Variants in UQCRH observed in about 807,000 individuals in gnomAD.
UQCRH encodes cytochrome b-c1 complex subunit 6, mitochondrial.
UQCRH carries 14 observed loss-of-function variants against 16.3 expected under a neutral mutation model. That is an observed-to-expected ratio of 0.86 (90% CI 0.57 to 1.34). The LOEUF (loss-of-function observed/expected upper bound fraction) is 1.34, where lower values mean the gene tolerates loss of function less well. Among genes scored for constraint, UQCRH ranks in the 40% most tolerant of loss-of-function variants. UQCRH has a pLI of 0.00. For synonymous variants in UQCRH, 41 were observed against 41.9 expected (o/e 0.98, Z 0.08); for missense variants, 89 against 111.9 (o/e 0.80, Z 0.92).
At chr1:46,303,879 GC>G (rs1456394225) in intron 1 of UQCRH, 59 bp downstream of exon 1, 1 of 1,609,886 alleles carries the variant, frequency 6.2e-7, no homozygotes, top group Non-Finnish European at 8.5e-7. Flanking sequence ...GACCTAGCCC[GC>G]CAAAACACGC....
chr1:46,306,398 T>G (rs1174574517), intron 1 of UQCRH, among the ~76,000 whole-genome samples: 8 of 150,972 alleles, frequency 5.3e-5, no homozygotes, highest in African/African-American at 1.5e-4. Context: ...TTTTTTTTTT[T>G]TGTGACGGAG....
At chr1:46,305,098 G>A (rs1661341695) in intron 1 of UQCRH, among the ~76,000 whole-genome samples, 1 of 151,742 alleles carries the variant, frequency 6.6e-6, no homozygotes, top group Non-Finnish European at 1.5e-5. Flanking sequence ...CAGACAGGTA[G>A]CATGAGTCCA....
rs753395974 is a variant in UQCRH at position 46,303,787 on chromosome 1, A to G, written c.21A>G (p.Gln7=). 1.7e-5 allele frequency: 27 copies of G among 1,614,062 alleles called. No homozygotes were observed. The South Asian group carries it at 2.3e-4, about 14-fold the overall frequency. ...CAGACATGGGACTGGAGGACGAGCA[A>G]AAGATGCTTACCGAATCCGGAGATC... The part of the protein sequence containing the change: MGLEDE[Q]KMLTESGDPE... Residue 7 remains glutamine, a synonymous_variant, in exon 1 of 4, where the codon CAA becomes CAG. Coordinates refer to ENST00000311672, the MANE Select transcript of UQCRH (RefSeq NM_006004.4).
At chr1:46,315,208 G>C (rs753759080) in intron 3 of UQCRH, among the ~76,000 whole-genome samples, 1 of 152,168 alleles carries the variant, frequency 6.6e-6, no homozygotes, top group Non-Finnish European at 1.5e-5. Flanking sequence ...ACTTTCAGAG[G>C]CTGAGGCACG....
chr1:46,314,688 AAAG>A (rs1410178664), intron 3 of UQCRH, among the ~76,000 whole-genome samples: 3 of 152,046 alleles, frequency 2.0e-5, no homozygotes, highest in Non-Finnish European at 1.5e-5. Flanking sequence ...AAAAAAAAAA[AAAG>A]GAGGGAAACT....
chr1:46,305,136 C>A (rs1661342799), intron 1 of UQCRH, among the ~76,000 whole-genome samples: 1 of 151,260 alleles, frequency 6.6e-6, no homozygotes, highest in Admixed American at 6.6e-5. Context: ...GGCAACGTGG[C>A]GAAACCCCGT....
chr1:46,316,477 C>T, intron 3 of UQCRH, 75 bp from the exon 4 acceptor site: 1 of 1,597,720 alleles, frequency 6.3e-7, no homozygotes, highest in Non-Finnish European at 8.6e-7. Context: ...AGTACTGTTT[C>T]AGGTCTTGAA....
At chr1:46,314,821 CAG>C (rs939969308) in intron 3 of UQCRH, among the ~76,000 whole-genome samples, 1 of 139,472 alleles carries the variant, frequency 7.2e-6, no homozygotes, top group East Asian at 2.3e-4. Context: ...TTCATAGAGA[CAG>C]AAAGTAGAAT....
intron 2 of UQCRH, 53 bp from the exon 3 acceptor site, chr1:46,310,102 G>C: frequency 6.2e-7 from 1 of 1,611,586 alleles, no homozygotes; most frequent in Non-Finnish European, 8.5e-7. Context: ...ATATGTGTTT[G>C]GTGGGTCTCT....
At chr1:46,308,863 C>T (rs188650971) in intron 1 of UQCRH, among the ~76,000 whole-genome samples, 4 of 152,284 alleles carry the variant, frequency 2.6e-5, no homozygotes, top group Non-Finnish European at 4.4e-5. Context: ...TGGATAGTTA[C>T]GTTGCATATG....
At chr1:46,313,697 A>G (rs576972447) in intron 3 of UQCRH, among the ~76,000 whole-genome samples, 1 of 151,300 alleles carries the variant, frequency 6.6e-6, no homozygotes, top group East Asian at 1.9e-4. Flanking sequence ...ATAGATAACC[A>G]GGCAAGCTGG....
chr1:46,313,037 G>T (rs1425622498), intron 3 of UQCRH, among the ~76,000 whole-genome samples: 2 of 152,154 alleles, frequency 1.3e-5, no homozygotes, highest in African/African-American at 4.8e-5. Context: ...ACATCTGGCA[G>T]TTCCTCAAAA....
intron 1 of UQCRH, among the ~76,000 whole-genome samples, chr1:46,304,866 C>A (rs1661336798): frequency 6.6e-6 from 1 of 152,214 alleles, no homozygotes; most frequent in South Asian, 2.1e-4. Context: ...GGACTCTTAT[C>A]AATTTTGCGA....
chr1:46,310,090 G>C, intron 2 of UQCRH, 65 bp from the exon 3 acceptor site: 2 of 1,606,670 alleles, frequency 1.2e-6, no homozygotes, highest in Non-Finnish European at 1.7e-6. Context: ...GTTAATCAAA[G>C]CATATGTGTT....
rs143787479 is a variant in UQCRH at position 46,312,806 on chromosome 1, T to C, written c.243+2490T>C. Among the ~76,000 whole-genome samples the C allele has an allele frequency of 1.4e-4, 21 of 152,260 alleles. 1 individual carries two copies. The East Asian group carries it at 3.9e-3, about 28-fold the overall frequency. ...AATTATACATAAGCAAAGTTTGATG[T>C]GGTTGCTTCTATTAAAACTAATTGG... On this transcript the variant is annotated intron_variant, in intron 3 of 3. Coordinates refer to ENST00000311672, the MANE Select transcript of UQCRH (RefSeq NM_006004.4).
At chr1:46,316,011 G>A (rs775301436) in intron 3 of UQCRH, among the ~76,000 whole-genome samples, 42 of 152,240 alleles carry the variant, frequency 2.8e-4, no homozygotes, top group Non-Finnish European at 4.6e-4. Flanking sequence ...GCTAAACTTT[G>A]GTAAGTCTCT....
chr1:46,313,155 G>A (rs1049330703), intron 3 of UQCRH, among the ~76,000 whole-genome samples: 2 of 152,124 alleles, frequency 1.3e-5, no homozygotes, highest in African/African-American at 4.8e-5. Context: ...AATGTTCATA[G>A]AAGCATTATT....
intron 1 of UQCRH, 122 bp downstream of exon 1, chr1:46,303,942 G>A: frequency 1.6e-6 from 2 of 1,283,636 alleles, no homozygotes; most frequent in Non-Finnish European, 2.2e-6. Flanking sequence ...ATAGTCGGGA[G>A]CTCTAGTTCC....
intron 3 of UQCRH, among the ~76,000 whole-genome samples, chr1:46,310,530 G>A (rs906626529): frequency 2.0e-5 from 3 of 152,198 alleles, no homozygotes; most frequent in Non-Finnish European, 4.4e-5. Flanking sequence ...CGGCATGATC[G>A]TAGCTCAGTG....
Sources: gnomAD v4.1 joint callset for allele counts (sites outside exome capture counted in the v4.1 genomes callset) on GRCh38, gnomAD v4.1.1 for gene constraint, MANE v1.5 for transcripts, NCBI Gene and HGNC (gene_info 2026-07-23, HGNC 2026-07-21) for gene names.